The following TLN2 variants were observed in gnomAD, a reference collection of about 807,000 sequenced individuals.
TLN2 encodes talin 2.
TLN2 carries 118 observed loss-of-function variants against 294.7 expected under a neutral mutation model. The ratio of observed to expected loss-of-function variants is 0.40; its 90% CI spans 0.34 to 0.47. The LOEUF (loss-of-function observed/expected upper bound fraction) is 0.47. Ranked by LOEUF, TLN2 falls within the 20% of genes least tolerant of loss-of-function variation. The pLI is 0.84. For synonymous variants in TLN2, 1,431 were observed against 1,304.5 expected, an observed-to-expected ratio of 1.10 and a Z score of -2.09; for missense variants, 3,083 against 3,282.2, an observed-to-expected ratio of 0.94 and a Z score of 1.48.
chr15:62,584,635 C>T (rs2045437052), intron 1 of TLN2, among the ~76,000 whole-genome samples: 2 of 152,182 alleles, frequency 1.3e-5, no homozygotes, highest in African/African-American at 2.4e-5. Context: ...GGACTCTAAT[C>T]ATTGGGCTAC....
intron 52 of TLN2, among the ~76,000 whole-genome samples, chr15:62,818,534 A>G (rs1025654958): frequency 6.6e-6 from 1 of 152,210 alleles, no homozygotes; most frequent in African/African-American, 2.4e-5. Flanking sequence ...GGTGTTTAGT[A>G]TTCTCAGTAC....
chr15:62,692,405 A>C (rs2057997071), intron 12 of TLN2, among the ~76,000 whole-genome samples: 1 of 152,328 alleles, frequency 6.6e-6, no homozygotes, highest in East Asian at 1.9e-4. Flanking sequence ...CTTCCTGTGA[A>C]TATCAGCCCA....
rs1595897351 is a variant in TLN2 at position 62,479,494 on chromosome 15, TGAGACA to T, written c.-238+88813_-238+88818del. On this transcript the variant is annotated intron_variant, in intron 1 of 58. Transcript: ENST00000636159. The stretch of plus-strand genomic sequence containing the variant: ...CTTTGTCTTTATTTTTATTTTTTTT[TGAGACA>T]GAGTCTTTCTCTCTCACCCAGGCTG... Among the ~76,000 whole-genome samples the T allele has an allele frequency of 5.3e-5, 8 of 152,292 alleles. No individual in the cohort carries two copies. In the South Asian group the frequency reaches 1.5e-3, roughly 28 times the overall value.
intron 1 of TLN2, among the ~76,000 whole-genome samples, chr15:62,505,082 G>A (rs1045921095): frequency 1.3e-5 from 2 of 151,960 alleles, no homozygotes; most frequent in South Asian, 2.1e-4. Context: ...TCAGCTTCCC[G>A]AGTAGCTGGG....
At chr15:62,458,891 C>T (rs979373543) in intron 1 of TLN2, among the ~76,000 whole-genome samples, 7 of 152,308 alleles carry the variant, frequency 4.6e-5, no homozygotes, top group Admixed American at 1.3e-4. Context: ...CTGCCCTCCT[C>T]TCTGGTGGCT....
intron 58 of TLN2, among the ~76,000 whole-genome samples, chr15:62,840,173 G>A (rs933097024): frequency 6.6e-6 from 1 of 152,170 alleles, no homozygotes; most frequent in African/African-American, 2.4e-5. Flanking sequence ...GCTTCACAGG[G>A]CAGCCCCTTC....
At chr15:62,646,405 G>GC (rs1028061909) in intron 3 of TLN2, among the ~76,000 whole-genome samples, 1 of 151,932 alleles carries the variant, frequency 6.6e-6, no homozygotes, top group East Asian at 1.9e-4. Flanking sequence ...CAAGTGATCC[G>GC]CCCCCCTCAG....
At chr15:62,778,212 T>A (rs2063854543) in intron 43 of TLN2, among the ~76,000 whole-genome samples, 1 of 152,214 alleles carries the variant, frequency 6.6e-6, no homozygotes, top group South Asian at 2.1e-4. Flanking sequence ...TGCGTCTCCC[T>A]TTAGAGGCCG....
At chr15:62,545,420 G>T (rs736978) in intron 1 of TLN2, among the ~76,000 whole-genome samples, 20,063 of 152,008 alleles carry the variant, frequency 0.13, 1,410 homozygotes, top group African/African-American at 0.18. Flanking sequence ...GGAAAAGGTG[G>T]GTTATCAGGC....
At position 62,775,237 on chromosome 15, in the gene TLN2, T is replaced by C. The variant is rs562938929; in HGVS notation, c.5368-1527T>C. On this transcript the variant is annotated intron_variant, in intron 42 of 58. Transcript: ENST00000636159. Reference sequence around the variant, plus strand: ...TGAATTGCTGGCATTTTTGTGTCTGTAACAGTCATCTCATTCTAAATGAGA... The same window carrying C: ...TGAATTGCTGGCATTTTTGTGTCTGCAACAGTCATCTCATTCTAAATGAGA... Among the ~76,000 whole-genome samples, 38 of 108,078 alleles carry C rather than the reference T, an allele frequency of 3.5e-4. No homozygotes were observed. The East Asian group carries it at 0.013, about 38-fold the overall frequency. The allele number at this position is 108,078 out of a possible 152,430, so 70.9% of individuals were successfully genotyped here.
intron 45 of TLN2, 117 bp from the exon 46 acceptor site, chr15:62,792,524 G>GTCTGTGTTTGGTGAAGTA: frequency 7.2e-7 from 1 of 1,380,294 alleles, no homozygotes; most frequent in Non-Finnish European, 9.7e-7. Context: ...CCTAATAGGA[G>GTCTGTGTTTGGTGAAGTA]TGGAATTTTC....
intron 54 of TLN2, among the ~76,000 whole-genome samples, chr15:62,822,691 T>TA (rs2067675419): frequency 6.6e-6 from 1 of 152,224 alleles, no homozygotes; most frequent in Admixed American, 6.5e-5. Context: ...CCCTTAGAGC[T>TA]ACTCCTCGAA....
intron 3 of TLN2, among the ~76,000 whole-genome samples, chr15:62,622,304 G>A (rs993263989): frequency 6.6e-6 from 1 of 152,224 alleles, no homozygotes; most frequent in Admixed American, 6.5e-5. Context: ...GGAAAAGGGT[G>A]TGAGTGTGTG....
intron 3 of TLN2, among the ~76,000 whole-genome samples, chr15:62,634,334 T>A (rs1405049322): frequency 6.6e-6 from 1 of 152,226 alleles, no homozygotes; most frequent in East Asian, 1.9e-4. Flanking sequence ...TTTATCCCTG[T>A]CTCTCTTTGA....
chr15:62,573,731 A>G (rs2044131876), intron 1 of TLN2, among the ~76,000 whole-genome samples: 1 of 148,792 alleles, frequency 6.7e-6, no homozygotes, highest in East Asian at 2.0e-4. Context: ...CCTTCCCTTC[A>G]GTCTACAAGT....
At chr15:62,772,012 T>C (rs903082530) in intron 42 of TLN2, among the ~76,000 whole-genome samples, 2 of 152,188 alleles carry the variant, frequency 1.3e-5, no homozygotes, top group Admixed American at 1.3e-4. Context: ...AGGCTGGTTA[T>C]GAATTCGTGG....
At chr15:62,501,453 A>G (rs1172792410) in intron 1 of TLN2, among the ~76,000 whole-genome samples, 2 of 152,148 alleles carry the variant, frequency 1.3e-5, no homozygotes, top group Non-Finnish European at 2.9e-5. Context: ...ACCCTCCCAC[A>G]AGGTTGCTGG....
At chr15:62,712,722 C>G (rs577089443) in intron 22 of TLN2, among the ~76,000 whole-genome samples, 77 of 150,812 alleles carry the variant, frequency 5.1e-4, no homozygotes, top group African/African-American at 1.9e-3. Flanking sequence ...ACTGGTAGGA[C>G]TCAGTGTGTG....
intron 1 of TLN2, among the ~76,000 whole-genome samples, chr15:62,450,299 G>A (rs1419656512): frequency 2.6e-5 from 4 of 152,194 alleles, no homozygotes; most frequent in African/African-American, 7.2e-5. Flanking sequence ...ACCTGAAGCC[G>A]AGCCAGGAGG....
Sources: allele counts gnomAD v4.1 joint callset (sites outside exome capture counted in the v4.1 genomes callset), GRCh38; gene constraint gnomAD v4.1.1; transcripts MANE v1.5; gene names NCBI Gene and HGNC (gene_info 2026-07-23, HGNC 2026-07-21).